RBL1: variants seen among roughly 807,000 people sequenced by gnomAD.
RBL1 encodes RB transcriptional corepressor like 1, also known as retinoblastoma-like protein 1.
Under a neutral mutation model 123.0 loss-of-function variants are expected in RBL1, and 82 were observed. That is an observed-to-expected ratio of 0.67 (90% CI 0.56 to 0.80). The LOEUF (loss-of-function observed/expected upper bound fraction) is 0.80. Among genes scored for constraint, RBL1 ranks in the 30% least tolerant of loss-of-function variants. RBL1 has a pLI of 0.00. For synonymous variants in RBL1, 405 were observed against 441.3 expected, an observed-to-expected ratio of 0.92 and a Z score of 1.03; for missense variants, 1,171 against 1,299.6, an observed-to-expected ratio of 0.90 and a Z score of 1.52.
At chr20:37,071,841 T>C (rs1184517504) in intron 2 of RBL1, among the ~76,000 whole-genome samples, 3 of 152,142 alleles carry the variant, frequency 2.0e-5, no homozygotes, top group Non-Finnish European at 4.4e-5. Flanking sequence ...GCTCTCATCA[T>C]GTGATGTGCC....
chr20:37,055,727 T>C, intron 10 of RBL1, 71 bp from the exon 11 acceptor site: 1 of 1,354,942 alleles, frequency 7.4e-7, no homozygotes. Flanking sequence ...GCAAAAATTA[T>C]ATATAAACTT....
chr20:37,006,218 G>C (rs150387473), intron 20 of RBL1, among the ~76,000 whole-genome samples: 1,569 of 133,486 alleles, frequency 0.012, 24 homozygotes, highest in African/African-American at 0.04. Context: ...TTTTTTTTTT[G>C]AGACAGAGTT....
intron 2 of RBL1, among the ~76,000 whole-genome samples, chr20:37,075,944 T>C (rs1280715793): frequency 6.6e-6 from 1 of 152,230 alleles, no homozygotes; most frequent in Non-Finnish European, 1.5e-5. Context: ...ATAAGTAATA[T>C]GCACAAGCAC....
intron 12 of RBL1, among the ~76,000 whole-genome samples, chr20:37,045,735 A>G (rs1042652087): frequency 6.6e-6 from 1 of 152,240 alleles, no homozygotes; most frequent in Non-Finnish European, 1.5e-5. Flanking sequence ...TGTATAGTAG[A>G]ATCACTTCTC....
chr20:37,023,130 T>C (rs1257125936), intron 16 of RBL1, among the ~76,000 whole-genome samples: 1 of 152,156 alleles, frequency 6.6e-6, no homozygotes, highest in Non-Finnish European at 1.5e-5. Context: ...TTTTCCTTTT[T>C]TTTTTTTCTT....
intron 12 of RBL1, among the ~76,000 whole-genome samples, chr20:37,046,074 A>G (rs2064814997): frequency 6.6e-6 from 1 of 152,220 alleles, no homozygotes; most frequent in Admixed American, 6.5e-5. Context: ...GATTAACAAA[A>G]ATAGTTCTAG....
chr20:37,005,100 C>A (rs950200491), intron 20 of RBL1, among the ~76,000 whole-genome samples: 3 of 151,778 alleles, frequency 2.0e-5, no homozygotes, highest in African/African-American at 4.8e-5. Flanking sequence ...ATGAGAACCT[C>A]ATATTCATGC....
intron 21 of RBL1, among the ~76,000 whole-genome samples, chr20:37,000,284 G>A (rs1416648635): frequency 1.3e-5 from 2 of 149,500 alleles, no homozygotes; most frequent in African/African-American, 2.5e-5. Context: ...AGTGAGGAGC[G>A]TCTTCGCCTG....
chr20:37,055,654 A>C lies in RBL1; in HGVS notation c.1366T>G (p.Phe456Val). The change falls in exon 11 of 22, where the codon TTT becomes GTT. Residue 456 changes from phenylalanine (F) to valine (V), a missense_variant and splice_region_variant. By Grantham distance (50) the Phe-to-Val change is conservative (BLOSUM62 -1). Coordinates refer to ENST00000373664, the MANE Select transcript of RBL1 (RefSeq NM_002895.5). ...TDEQPGSHID[F>V]AVNRLKLAEI... ...GCCAGCTTTAGTCTGTTTACAGCAA[A>C]GTCTATCAGGGAAATACAGAGAAAA... 6.2e-7 allele frequency: 1 copy of C among 1,607,420 alleles called. No homozygotes were observed. Among genetic ancestry groups the C allele is most frequent in the Non-Finnish European group, 8.5e-7 (1 of 1,177,444 alleles).
chr20:37,006,861 CA>C (rs1372104239), intron 20 of RBL1, among the ~76,000 whole-genome samples: 34 of 142,410 alleles, frequency 2.4e-4, no homozygotes, highest in African/African-American at 8.7e-4. Flanking sequence ...AAAAAGAAAA[CA>C]AAAAAAACAA....
intron 21 of RBL1, among the ~76,000 whole-genome samples, chr20:37,000,592 G>GT (rs2063956459): frequency 2.1e-5 from 3 of 143,760 alleles, no homozygotes; most frequent in Admixed American, 2.0e-4. Context: ...CAGGAAGGAT[G>GT]TGGGGGGGTC....
At chr20:37,049,060 G>C (rs528599115) in intron 11 of RBL1, among the ~76,000 whole-genome samples, 1 of 151,974 alleles carries the variant, frequency 6.6e-6, no homozygotes, top group East Asian at 1.9e-4. Context: ...AAAATTAGCT[G>C]GGCGTGGTGG....
intron 21 of RBL1, among the ~76,000 whole-genome samples, chr20:37,002,818 A>G (rs2064010477): frequency 1.3e-5 from 2 of 151,912 alleles, no homozygotes; most frequent in South Asian, 4.2e-4. Context: ...GCCGGGTTCA[A>G]GTGATTCTCC....
intron 2 of RBL1, among the ~76,000 whole-genome samples, chr20:37,070,070 C>T (rs930280251): frequency 1.3e-5 from 2 of 152,178 alleles, no homozygotes; most frequent in African/African-American, 2.4e-5. Flanking sequence ...GAATGGTTGC[C>T]GTGTCTGTGT....
rs1262706077 is a variant in RBL1 at position 37,062,111 on chromosome 20, C to G, written c.1056G>C (p.Glu352Asp). ...TTTCAAAGTGCTGTTGAAGGTTATA[C>G]TCCACATTAGCCTGTGCTGTCAGTT... ...LGKLTAQANV[E>D]YNLQQHFEKK... is the part of the protein sequence containing the mutation. The change falls in exon 8 of 22, where the codon GAG becomes GAC. Residue 352 changes from glutamate to aspartate, a missense_variant. Physicochemically the swap from Glu to Asp is conservative, Grantham distance 45. Transcript: ENST00000373664. 6.2e-7 allele frequency: 1 copy of G among 1,614,024 alleles called. No individual in the cohort carries two copies. The highest frequency in any genetic ancestry group is 1.1e-5 in the South Asian group (1 of 91,048).
chr20:37,081,357 G>C (rs1301844064), intron 2 of RBL1, among the ~76,000 whole-genome samples: 1 of 152,146 alleles, frequency 6.6e-6, no homozygotes, highest in Non-Finnish European at 1.5e-5. Flanking sequence ...ACCTTGGCTG[G>C]TGCGGTGGCT....
rs879838094 is a variant in RBL1, at chr20:37,020,566, T to C, written c.2631+93A>G. Reference sequence around the variant, plus strand: ...ATTAAAACAGAAAATCTGAAGTATATTAAAACTATAAAATAAGTTTACCTT... The same window carrying C: ...ATTAAAACAGAAAATCTGAAGTATACTAAAACTATAAAATAAGTTTACCTT... On this transcript the variant is annotated intron_variant, in intron 18 of 21. Transcript: ENST00000373664. 1.0e-5 allele frequency: 9 copies of C among 886,986 alleles called. No individual in the cohort carries two copies. In the Admixed American group the frequency reaches 2.7e-4, roughly 26 times the overall value. The allele number at this position is 886,986 out of a possible 1,614,324, so 54.9% of individuals were successfully genotyped here.
intron 2 of RBL1, among the ~76,000 whole-genome samples, chr20:37,073,705 G>GAAAAAAAAAAAAAAAAA (rs796752326): frequency 2.9e-5 from 3 of 103,148 alleles, no homozygotes; most frequent in African/African-American, 3.8e-5. Flanking sequence ...CTCAAAAAAA[G>GAAAAAAAAAAAAAAAAA]AAAAAAAAAA....
rs1385105402 is a variant in RBL1, at chr20:37,095,832, C to G, written c.97G>C (p.Gly33Arg). 2 of 1,608,910 alleles carry G rather than the reference C, an allele frequency of 1.2e-6. No homozygotes were observed. Among genetic ancestry groups the G allele is most frequent in the Non-Finnish European group, 1.7e-6 (2 of 1,178,508 alleles). ...TCGTCCAGGGCTTCGGCCGCGCTCC[C>G]CTCGTCCAGGTTCAGCTCCTGGCAC... is the stretch of plus-strand genomic sequence containing the variant. ...ALCQELNLDEGSAAEALDDFT... is the reference protein window; with the variant it reads ...ALCQELNLDERSAAEALDDFT... Residue 33 changes from glycine to arginine, a missense_variant, in exon 1 of 22, where the codon GGG (glycine) becomes CGG (arginine). Physicochemically the swap from Gly to Arg is moderately radical, Grantham distance 125. Coordinates refer to ENST00000373664, the MANE Select transcript of RBL1 (RefSeq NM_002895.5).
Sources: gnomAD v4.1 joint callset for allele counts (sites outside exome capture counted in the v4.1 genomes callset) on GRCh38, gnomAD v4.1.1 for gene constraint, MANE v1.5 for transcripts, NCBI Gene and HGNC (gene_info 2026-07-23, HGNC 2026-07-21) for gene names.